Variants in CBL observed in about 807,000 individuals in gnomAD.
The protein encoded by CBL is Cbl proto-oncogene, also known as E3 ubiquitin-protein ligase CBL.
In CBL, 45 loss-of-function variants were observed where a neutral mutation model predicts 96.9. That is an observed-to-expected ratio of 0.46 (90% CI 0.37 to 0.60). The LOEUF (loss-of-function observed/expected upper bound fraction) is 0.60, where lower values mean the gene tolerates loss of function less well. CBL is among the 20% of genes least tolerant of loss of function. CBL has a pLI of 0.00. For missense variants in CBL, 1,024 were observed against 1,143.5 expected (o/e 0.90, Z 1.51); for synonymous variants, 420 against 426.8 (o/e 0.98, Z 0.20).
intron 1 of CBL, among the ~76,000 whole-genome samples, chr11:119,225,076 G>A (rs753369281): frequency 9.3e-5 from 14 of 151,338 alleles, no homozygotes; most frequent in East Asian, 1.9e-4. Context: ...GTGTGTGTGC[G>A]CGCGCTTGTA....
chr11:119,300,199 C>A lies in CBL; in HGVS notation c.*418C>A. 1 of 480,358 alleles carries A rather than the reference C, an allele frequency of 2.1e-6. No individual in the cohort carries two copies. Among genetic ancestry groups the A allele is most frequent in the Non-Finnish European group, 3.6e-6 (1 of 274,814 alleles). The allele number at this position is 480,358 out of a possible 1,614,324, so 29.8% of individuals were successfully genotyped here. ...GTGTCCTTGTGATTATAAGATTAAC[C>A]TGCTGTGTGTGTTAATTCCAGGCAG... On this transcript the variant is annotated 3_prime_UTR_variant, in exon 16 of 16. Coordinates refer to ENST00000264033, the MANE Select transcript of CBL (RefSeq NM_005188.4).
At chr11:119,243,868 A>G (rs1338430065) in intron 2 of CBL, among the ~76,000 whole-genome samples, 1 of 151,772 alleles carries the variant, frequency 6.6e-6, no homozygotes, top group Non-Finnish European at 1.5e-5. Flanking sequence ...AGCTGTGACT[A>G]CAGGTGTGTA....
At position 119,278,189 on chromosome 11, in the gene CBL, G is replaced by A. The variant is rs571152174; in HGVS notation, c.1119G>A (p.Glu373=). The A allele has an allele frequency of 1.0e-5, 16 of 1,607,262 alleles. No individual in the cohort carries two copies. In the South Asian group the frequency reaches 1.8e-4, roughly 18 times the overall value. ...AGGAACAATATGAATTATACTGTGA[G>A]ATGGGCTCCACATTCCAACTATGTA... is the stretch of plus-strand genomic sequence containing the variant. ...VTQEQYELYC[E]MGSTFQLCKI... is the part of the protein sequence containing the mutation. The change falls in exon 8 of 16, where the codon GAG becomes GAA. Residue 373 remains glutamate (E), a synonymous_variant. Transcript: ENST00000264033.
chr11:119,284,996 A>G lies in CBL; in HGVS notation c.1459A>G (p.Met487Val), dbSNP rs17848896. 108 of 1,613,992 alleles carry G rather than the reference A, an allele frequency of 6.7e-5. No homozygotes were observed. In the East Asian group the frequency reaches 1.2e-3, roughly 18 times the overall value. Residue 487 changes from methionine (M) to valine (V), a missense_variant, in exon 10 of 16, where the codon ATG becomes GTG. This residue lies in a region of CBL where 695 missense variants were observed against 661.6 expected (regional missense o/e 1.05). Coordinates refer to ENST00000264033, the MANE Select transcript of CBL (RefSeq NM_005188.4). Reference sequence around the variant, plus strand: ...GGAACGGCCGCCTTCTCCATTCTCCATGGCCCCACAAGCTTCCCTTCCCCC... The same window carrying G: ...GGAACGGCCGCCTTCTCCATTCTCCGTGGCCCCACAAGCTTCCCTTCCCCC... ...KVERPPSPFSMAPQASLPPVP... is the reference protein window; with the variant it reads ...KVERPPSPFSVAPQASLPPVP...
chr11:119,285,765 A>G (rs762296203), intron 11 of CBL, among the ~76,000 whole-genome samples, 199 bp downstream of exon 11: 2 of 150,940 alleles, frequency 1.3e-5, no homozygotes, highest in Non-Finnish European at 3.0e-5. Flanking sequence ...GCGTGGTGGC[A>G]CTTGCCTGTA....
At chr11:119,249,863 A>C (rs1249294788) in intron 2 of CBL, among the ~76,000 whole-genome samples, 1 of 152,064 alleles carries the variant, frequency 6.6e-6, no homozygotes, top group Non-Finnish European at 1.5e-5. Flanking sequence ...TATGTTGCCC[A>C]GGCTGGTCTC....
chr11:119,237,743 A>G (rs1363697330), intron 2 of CBL, among the ~76,000 whole-genome samples: 5 of 152,296 alleles, frequency 3.3e-5, no homozygotes, highest in East Asian at 1.9e-4. Context: ...ATTAATCTAC[A>G]TATCTATCTT....
Position 119,206,474 on chromosome 11 carries a change from C to T in CBL, c.57C>T (p.Gly19=). The T allele has an allele frequency of 6.4e-7, 1 of 1,574,558 alleles. No individual in the cohort carries two copies. The highest frequency in any genetic ancestry group is 8.6e-7 in the Non-Finnish European group (1 of 1,164,046). Residue 19 remains glycine, a synonymous_variant, in exon 1 of 16, where the codon GGC becomes GGT. Transcript: ENST00000264033. The part of the protein sequence containing the change: ...SGAGGGSGSG[G]SGSGGLIGLM... ...CCGGGGGCGGCAGCGGCTCCGGGGGCTCGGGTTCGGGTGGCCTGATTGGGC... is the reference window on the plus strand; with the variant it reads ...CCGGGGGCGGCAGCGGCTCCGGGGGTTCGGGTTCGGGTGGCCTGATTGGGC...
intron 1 of CBL, among the ~76,000 whole-genome samples, chr11:119,219,688 T>TA (rs1021434628): frequency 9.2e-5 from 14 of 151,412 alleles, no homozygotes; most frequent in Non-Finnish European, 1.9e-4. Flanking sequence ...TGCCTTTTTT[T>TA]TTTTTTTTAT....
intron 12 of CBL, among the ~76,000 whole-genome samples, chr11:119,293,397 C>T (rs970576673): frequency 3.3e-5 from 5 of 152,152 alleles, no homozygotes; most frequent in Admixed American, 6.5e-5. Flanking sequence ...CGTGAGCCAT[C>T]GTGCCCATCC....
At chr11:119,242,014 A>T (rs1254830594) in intron 2 of CBL, among the ~76,000 whole-genome samples, 1 of 152,228 alleles carries the variant, frequency 6.6e-6, no homozygotes, top group Non-Finnish European at 1.5e-5. Context: ...TTTTACAGTG[A>T]CAGTATTGGC....
Position 119,304,599 on chromosome 11 carries a change from C to T in CBL, c.*4818C>T, listed in dbSNP as rs886047794. On this transcript the variant is annotated 3_prime_UTR_variant, in exon 16 of 16. Transcript: ENST00000264033. ...CACCACCTTCCAACTCTGGGGATCACCATGAACAAATTCTCAATTTCCCAT... is the reference window on the plus strand; with the variant it reads ...CACCACCTTCCAACTCTGGGGATCATCATGAACAAATTCTCAATTTCCCAT... 15 of 231,434 alleles carry T rather than the reference C, an allele frequency of 6.5e-5. No homozygotes were observed. The East Asian group carries it at 9.2e-4, about 14-fold the overall frequency. The allele number at this position is 231,434 out of a possible 1,614,324, so 14.3% of individuals were successfully genotyped here. A position where few individuals can be genotyped will look rare whatever the true frequency, so the allele number is the denominator to read the frequency against.
chr11:119,282,336 C>T (rs1949942348), intron 9 of CBL, among the ~76,000 whole-genome samples: 1 of 144,028 alleles, frequency 6.9e-6, no homozygotes, highest in African/African-American at 2.6e-5. Context: ...GAGACTCCAT[C>T]TCAAAAAAAA....
chr11:119,249,984 T>C (rs1282295884), intron 2 of CBL, among the ~76,000 whole-genome samples: 2 of 152,192 alleles, frequency 1.3e-5, no homozygotes, highest in Non-Finnish European at 2.9e-5. Context: ...GTCATCTTTG[T>C]CACTCATAGA....
intron 2 of CBL, among the ~76,000 whole-genome samples, chr11:119,249,127 G>C (rs996408880): frequency 6.6e-6 from 1 of 152,192 alleles, no homozygotes. Flanking sequence ...GACTTGAACA[G>C]ATATTTGTAC....
At chr11:119,276,170 G>C in intron 6 of CBL, 36 bp downstream of exon 6, 1 of 1,609,674 alleles carries the variant, frequency 6.2e-7, no homozygotes, top group Non-Finnish European at 8.5e-7. Flanking sequence ...TTAGAGTCTG[G>C]GAACTTAGGG....
At chr11:119,262,989 G>T (rs1479467346) in intron 2 of CBL, among the ~76,000 whole-genome samples, 1 of 152,222 alleles carries the variant, frequency 6.6e-6, no homozygotes, top group Non-Finnish European at 1.5e-5. Flanking sequence ...ATTATTTAAT[G>T]TCACTAAGTC....
chr11:119,285,355 A>G lies in CBL; in HGVS notation c.1730A>G (p.Lys577Arg), dbSNP rs1342845527. 6.2e-7 allele frequency: 1 copy of G among 1,614,140 alleles called. No homozygotes were observed. Among genetic ancestry groups the G allele is most frequent in the East Asian group, 2.2e-5 (1 of 44,880 alleles). ...CTPGDCPSRD[K>R]LPPVPSSRLG... ...CCAGGCGACTGTCCCTCCAGAGACAAACTGCCCCCTGTCCCCTCTAGCCGC... is the reference window on the plus strand; with the variant it reads ...CCAGGCGACTGTCCCTCCAGAGACAGACTGCCCCCTGTCCCCTCTAGCCGC... The change falls in exon 11 of 16, where the codon AAA (lysine) becomes AGA (arginine). Residue 577 changes from lysine (K) to arginine (R), a missense_variant. Around this residue, in one of 4 missense-constraint regions of CBL, gnomAD observed 695 missense variants for 661.6 expected, o/e 1.05. Coordinates refer to ENST00000264033, the MANE Select transcript of CBL (RefSeq NM_005188.4).
intron 1 of CBL, among the ~76,000 whole-genome samples, chr11:119,214,635 T>C (rs1565854183): frequency 6.6e-6 from 1 of 152,244 alleles, no homozygotes; most frequent in Non-Finnish European, 1.5e-5. Context: ...AGGTTGGTGT[T>C]TCTTCAAATT....
Sources: gnomAD v4.1 joint callset for allele counts (sites outside exome capture counted in the v4.1 genomes callset) on GRCh38, gnomAD v4.1.1 for gene constraint, gnomAD v4.1.1 regional missense constraint, MANE v1.5 for transcripts, NCBI Gene and HGNC (gene_info 2026-07-23, HGNC 2026-07-21) for gene names.